Variants in PHKB observed in about 807,000 individuals in gnomAD.
The protein encoded by PHKB is phosphorylase b kinase regulatory subunit beta.
A neutral mutation model predicts 152.1 loss-of-function variants in PHKB; 122 were observed. The ratio of observed to expected loss-of-function variants is 0.80; its 90% CI spans 0.69 to 0.93. The LOEUF (loss-of-function observed/expected upper bound fraction) is 0.93. Ranked by LOEUF, PHKB falls within the 40% of genes least tolerant of loss-of-function variation. The probability of loss-of-function intolerance (pLI) is 0.00; values close to 1 mark genes in which losing one functional copy is unlikely to be tolerated. For missense variants in PHKB, 1,304 were observed against 1,328.4 expected (o/e 0.98, Z 0.29); for synonymous variants, 436 against 464.9 (o/e 0.94, Z 0.80).
chr16:47,651,334 A>T (rs988894552), intron 20 of PHKB, among the ~76,000 whole-genome samples: 3 of 152,202 alleles, frequency 2.0e-5, no homozygotes, highest in Non-Finnish European at 2.9e-5. Context: ...TTACAGAAAC[A>T]TTCTTTGGTT....
chr16:47,674,507 C>G (rs921568492), intron 26 of PHKB, among the ~76,000 whole-genome samples: 3 of 152,156 alleles, frequency 2.0e-5, no homozygotes, highest in Admixed American at 2.0e-4. Flanking sequence ...ATACCTCTGG[C>G]AAATACAGAG....
chr16:47,617,907 C>T (rs914591581), intron 14 of PHKB, among the ~76,000 whole-genome samples: 3 of 152,240 alleles, frequency 2.0e-5, no homozygotes, highest in Non-Finnish European at 4.4e-5. Flanking sequence ...GAAGCCTTAA[C>T]TCATCCCAGC....
chr16:47,646,519 T>A (rs1597147809), intron 16 of PHKB, among the ~76,000 whole-genome samples: 2 of 116,310 alleles, frequency 1.7e-5, no homozygotes, highest in Admixed American at 9.0e-5. Context: ...ACCCTAAAAC[T>A]TAGAGTATAA....
chr16:47,699,144 T>A, intron 30 of PHKB, 85 bp from the exon 31 acceptor site: 1 of 1,257,916 alleles, frequency 7.9e-7, no homozygotes, highest in Non-Finnish European at 1.2e-6. Context: ...TGAATTTATT[T>A]TTCCCCCTAA....
chr16:47,596,432 A>C lies in PHKB; in HGVS notation c.1264A>C (p.Asn422His), dbSNP rs1972120828. The C allele has an allele frequency of 6.2e-7, 1 of 1,612,888 alleles. No homozygotes were observed. The highest frequency in any genetic ancestry group is 8.5e-7 in the Non-Finnish European group (1 of 1,178,996). ...VPADFVEYEK[N>H]NPGSQKRFPS... ...AGCTGACTTTGTAGAATATGAAAAAAATAACCCTGGTAGTCAAAAACGATT... is the reference window on the plus strand; with the variant it reads ...AGCTGACTTTGTAGAATATGAAAAACATAACCCTGGTAGTCAAAAACGATT... The change falls in exon 13 of 31, where the codon AAT (asparagine) becomes CAT (histidine). Residue 422 changes from asparagine to histidine, a missense_variant. By Grantham distance (68) the Asn-to-His change is moderately conservative. Coordinates refer to ENST00000323584, the MANE Select transcript of PHKB (RefSeq NM_000293.3).
intron 25 of PHKB, chr16:47,665,202 A>G: frequency 2.0e-6 from 1 of 489,930 alleles, no homozygotes; most frequent in Non-Finnish European, 3.7e-6. Flanking sequence ...GCTTCTGTGG[A>G]TATCCTGAAA....
rs553989208 is a variant in PHKB at position 47,534,309 on chromosome 16, C to T, written c.595-13124C>T. Among the ~76,000 whole-genome samples the T allele has an allele frequency of 4.6e-5, 7 of 152,356 alleles. No individual in the cohort carries two copies. In the East Asian group the frequency reaches 1.4e-3, roughly 29 times the overall value. ...CCTAAAGGTGTTGGTGGGGCCTGGA[C>T]TTAGCCATACCTCACTGGCCGATAA... is the stretch of plus-strand genomic sequence containing the variant. On this transcript the variant is annotated intron_variant, in intron 6 of 30. Transcript: ENST00000323584.
At chr16:47,665,046 A>G in intron 25 of PHKB, 71 bp downstream of exon 25, 1 of 969,438 alleles carries the variant, frequency 1.0e-6, no homozygotes, top group Non-Finnish European at 1.7e-6. Flanking sequence ...TGAAGGTTAA[A>G]TATGTCTTTT....
At chr16:47,662,212 G>A (rs1973457402) in intron 23 of PHKB, among the ~76,000 whole-genome samples, 1 of 152,130 alleles carries the variant, frequency 6.6e-6, no homozygotes, top group African/African-American at 2.4e-5. Flanking sequence ...ATTTGAAATG[G>A]AACATGGCAT....
intron 1 of PHKB, among the ~76,000 whole-genome samples, chr16:47,464,705 A>G (rs1340529201): frequency 6.6e-6 from 1 of 152,244 alleles, no homozygotes; most frequent in African/African-American, 2.4e-5. Context: ...GTCACTTTAC[A>G]GAACAAGCCA....
intron 6 of PHKB, among the ~76,000 whole-genome samples, chr16:47,541,011 T>C (rs1169746248): frequency 1.3e-5 from 2 of 151,886 alleles, no homozygotes; most frequent in Non-Finnish European, 2.9e-5. Flanking sequence ...TTTTTTTTTA[T>C]TATACTTTAA....
chr16:47,551,508 A>G (rs1971270365), intron 7 of PHKB, among the ~76,000 whole-genome samples: 1 of 152,100 alleles, frequency 6.6e-6, no homozygotes, highest in Admixed American at 6.6e-5. Context: ...TTCAGTTTCC[A>G]TGTAGTTTTG....
At chr16:47,541,790 A>T (rs1427526398) in intron 6 of PHKB, among the ~76,000 whole-genome samples, 1 of 151,934 alleles carries the variant, frequency 6.6e-6, no homozygotes, top group African/African-American at 2.4e-5. Context: ...GGCTGCATAA[A>T]TGTCTTCTTT....
At chr16:47,628,882 A>C (rs998777067) in intron 14 of PHKB, among the ~76,000 whole-genome samples, 2 of 152,038 alleles carry the variant, frequency 1.3e-5, no homozygotes, top group Non-Finnish European at 2.9e-5. Context: ...ATCTACAACT[A>C]TCTGATCTTT....
chr16:47,543,412 A>T (rs1199315925), intron 6 of PHKB, among the ~76,000 whole-genome samples: 4 of 152,138 alleles, frequency 2.6e-5, no homozygotes, highest in Admixed American at 1.3e-4. Flanking sequence ...GCAGTATTTT[A>T]TTGAGGATTT....
At chr16:47,675,290 C>A (rs957057845) in intron 26 of PHKB, among the ~76,000 whole-genome samples, 4 of 152,092 alleles carry the variant, frequency 2.6e-5, no homozygotes, top group African/African-American at 9.7e-5. Context: ...GCTTTGGTGT[C>A]CTCGTTGGAT....
chr16:47,461,845 G>A (rs1969566582), intron 1 of PHKB, among the ~76,000 whole-genome samples: 1 of 152,216 alleles, frequency 6.6e-6, no homozygotes, highest in Non-Finnish European at 1.5e-5. Context: ...CGATCTGGCT[G>A]CAGAAAGCCG....
chr16:47,660,558 A>G lies in PHKB; in HGVS notation c.2024A>G (p.Asp675Gly). The G allele has an allele frequency of 1.2e-6, 2 of 1,613,622 alleles. No homozygotes were observed. The highest frequency in any genetic ancestry group is 2.2e-5 in the South Asian group (2 of 91,084). Residue 675 changes from aspartate (D) to glycine (G), a missense_variant, in exon 21 of 31, where the codon GAC becomes GGC. Physicochemically the swap from Asp to Gly is moderately conservative, Grantham distance 94. Coordinates refer to ENST00000323584, the MANE Select transcript of PHKB (RefSeq NM_000293.3). ...VEQLDFLRIS[D>G]TEELPEFKSF... The stretch of plus-strand genomic sequence containing the variant: ...CAACTTGATTTCCTACGAATCAGTG[A>G]CACAGAAGAGTAAGTCCCTTTGGGT...
At chr16:47,685,701 T>C (rs1314808205) in intron 26 of PHKB, among the ~76,000 whole-genome samples, 1 of 152,138 alleles carries the variant, frequency 6.6e-6, no homozygotes, top group Non-Finnish European at 1.5e-5. Context: ...AAAGATTAGT[T>C]TGACCAACAA....
Sources: allele counts gnomAD v4.1 joint callset (sites outside exome capture counted in the v4.1 genomes callset), GRCh38; gene constraint gnomAD v4.1.1; transcripts MANE v1.5; gene names NCBI Gene and HGNC (gene_info 2026-07-23, HGNC 2026-07-21).